Variants in LYZL4 observed in about 807,000 individuals in gnomAD.
LYZL4 encodes lysozyme like 4.
In LYZL4, 13 loss-of-function variants were observed where a neutral mutation model predicts 17.6. The ratio of observed to expected loss-of-function variants is 0.74; its 90% CI spans 0.48 to 1.18. LYZL4 has a LOEUF of 1.18. LYZL4 is among the 50% of genes most tolerant of loss of function. LYZL4 has a pLI of 0.00. For synonymous variants in LYZL4, 64 were observed against 67.7 expected (o/e 0.95, Z 0.27); for missense variants, 174 against 188.2 (o/e 0.92, Z 0.44).
intron 1 of LYZL4, 28 bp from the exon 2 acceptor site, chr3:42,407,371 C>A: frequency 7.6e-7 from 1 of 1,322,624 alleles, no homozygotes; most frequent in Non-Finnish European, 1.0e-6. Flanking sequence ...GAGCACAGTT[C>A]AGTGTCATCA....
the LYZL4 span, among the ~76,000 whole-genome samples, chr3:42,362,890 A>G: frequency 1.3e-5 from 2 of 152,214 alleles, no homozygotes; most frequent in Admixed American, 6.5e-5. Flanking sequence ...AAGTGATTCA[A>G]CCTAGCATCC....
chr3:42,394,257 C>CTTAAGTGCA (rs1285653113), downstream of LYZL4, among the ~76,000 whole-genome samples: 3 of 152,204 alleles, frequency 2.0e-5, no homozygotes, highest in Non-Finnish European at 4.4e-5. Flanking sequence ...CCTAATACCT[C>CTTAAGTGCA]TTAAGTGCAG....
chr3:42,375,108 G>GC, the LYZL4 span, among the ~76,000 whole-genome samples: 15 of 152,074 alleles, frequency 9.9e-5, no homozygotes, highest in Admixed American at 2.6e-4. Flanking sequence ...ACTGTACCTG[G>GC]CCTAGTATCT....
chr3:42,380,600 G>A, the LYZL4 span, among the ~76,000 whole-genome samples: 1 of 152,134 alleles, frequency 6.6e-6, no homozygotes, highest in African/African-American at 2.4e-5. Flanking sequence ...GTAGGTCTAG[G>A]GTGGGGCCCG....
At chr3:42,368,346 G>A in the LYZL4 span, among the ~76,000 whole-genome samples, 1 of 152,276 alleles carries the variant, frequency 6.6e-6, no homozygotes, top group Admixed American at 6.5e-5. Context: ...CGAGGATGTC[G>A]AGGGGTGTCT....
chr3:42,386,395 G>GCCCCCCCCCCCCC, the LYZL4 span, among the ~76,000 whole-genome samples: 2 of 107,462 alleles, frequency 1.9e-5, no homozygotes, highest in Admixed American at 9.8e-5. Flanking sequence ...GAGCCACCAC[G>GCCCCCCCCCCCCC]CCCCCCCCCC....
chr3:42,409,538 C>A (rs150421209), intron 1 of LYZL4, among the ~76,000 whole-genome samples: 134 of 152,340 alleles, frequency 8.8e-4, no homozygotes, highest in African/African-American at 3.2e-3. Context: ...CTCCTCCCCT[C>A]TCCCCCAGAA....
chr3:42,366,281 G>A, the LYZL4 span, among the ~76,000 whole-genome samples: 1 of 152,190 alleles, frequency 6.6e-6, no homozygotes, highest in Admixed American at 6.5e-5. Flanking sequence ...GATCTTTTCA[G>A]AATCCACCTT....
the LYZL4 span, among the ~76,000 whole-genome samples, chr3:42,370,066 GA>G: frequency 7.2e-5 from 11 of 152,196 alleles, no homozygotes; most frequent in East Asian, 2.1e-3. Flanking sequence ...GAAGCTGGGG[GA>G]TAATATTAAC....
chr3:42,372,806 A>G, the LYZL4 span, among the ~76,000 whole-genome samples: 2 of 152,218 alleles, frequency 1.3e-5, no homozygotes, highest in Non-Finnish European at 2.9e-5. Context: ...TATGGGGTCC[A>G]TGTGCATGGG....
chr3:42,375,514 C>T, the LYZL4 span, among the ~76,000 whole-genome samples: 1 of 152,160 alleles, frequency 6.6e-6, no homozygotes, highest in African/African-American at 2.4e-5. Flanking sequence ...TTCATCTTGT[C>T]TACATAATAG....
chr3:42,380,913 T>C, the LYZL4 span, among the ~76,000 whole-genome samples: 3 of 152,240 alleles, frequency 2.0e-5, no homozygotes, highest in Non-Finnish European at 4.4e-5. Context: ...GGCCATGTTA[T>C]TGGCTTTGGC....
chr3:42,410,259 G>A (rs1303480917), intron 1 of LYZL4, among the ~76,000 whole-genome samples, 158 bp downstream of exon 1: 1 of 152,170 alleles, frequency 6.6e-6, no homozygotes, highest in African/African-American at 2.4e-5. Flanking sequence ...CAGAGTAGGT[G>A]CTCAATGAAA....
the LYZL4 span, among the ~76,000 whole-genome samples, chr3:42,386,581 C>T: frequency 6.6e-6 from 1 of 152,100 alleles, no homozygotes; most frequent in African/African-American, 2.4e-5. Context: ...TATATCTTTG[C>T]AGAGCCGATT....
chr3:42,364,766 G>T, the LYZL4 span, among the ~76,000 whole-genome samples: 1 of 152,016 alleles, frequency 6.6e-6, no homozygotes, highest in Non-Finnish European at 1.5e-5. Flanking sequence ...GAGCCACCAC[G>T]CCCAGCCTCA....
the LYZL4 span, among the ~76,000 whole-genome samples, chr3:42,383,508 T>G: frequency 6.6e-6 from 1 of 150,380 alleles, no homozygotes; most frequent in Non-Finnish European, 1.5e-5. Context: ...TTGATGAACC[T>G]GACTAACTGA....
chr3:42,376,322 A>G, the LYZL4 span, among the ~76,000 whole-genome samples: 1 of 151,926 alleles, frequency 6.6e-6, no homozygotes, highest in South Asian at 2.1e-4. Context: ...GTGCCCCCCC[A>G]CCCTCTGCCC....
At chr3:42,405,373 G>A (rs933878694) in intron 3 of LYZL4, among the ~76,000 whole-genome samples, 5 of 152,132 alleles carry the variant, frequency 3.3e-5, no homozygotes, top group African/African-American at 4.8e-5. Flanking sequence ...AATGGCAGCA[G>A]CTAGGATTCC....
chr3:42,388,588 G>A, the LYZL4 span, among the ~76,000 whole-genome samples: 298 of 152,326 alleles, frequency 2.0e-3, no homozygotes, highest in Non-Finnish European at 3.0e-3. Context: ...TTCTTGAGAT[G>A]CTCAGCACTA....
Sources: allele counts gnomAD v4.1 joint callset (sites outside exome capture counted in the v4.1 genomes callset), GRCh38; gene constraint gnomAD v4.1.1; transcripts MANE v1.5; gene names NCBI Gene and HGNC (gene_info 2026-07-23, HGNC 2026-07-21).